The following SNRPD1 variants were observed in gnomAD, a reference collection of about 807,000 sequenced individuals.
The protein encoded by SNRPD1 is small nuclear ribonucleoprotein D1 polypeptide, also known as small nuclear ribonucleoprotein Sm D1.
A neutral mutation model predicts 14.4 loss-of-function variants in SNRPD1; 1 was observed. The observed-to-expected ratio is 0.07, with a 90% confidence interval of 0.02 to 0.33. SNRPD1 has a LOEUF of 0.33. Among genes scored for constraint, SNRPD1 ranks in the 10% least tolerant of loss-of-function variants. The pLI is 1.00. For synonymous variants in SNRPD1, 42 were observed against 50.3 expected (o/e 0.83, Z 0.70); for missense variants, 52 against 146.4 (o/e 0.36, Z 3.33).
chr18:21,626,662 C>CTA (rs896988018), intron 3 of SNRPD1, among the ~76,000 whole-genome samples: 3 of 151,586 alleles, frequency 2.0e-5, no homozygotes, highest in African/African-American at 7.3e-5. Flanking sequence ...TGGCGGTCAC[C>CTA]TATAATCCCA....
intron 3 of SNRPD1, among the ~76,000 whole-genome samples, chr18:21,628,053 C>A (rs913772666): frequency 1.3e-5 from 2 of 152,058 alleles, no homozygotes; most frequent in African/African-American, 4.8e-5. Flanking sequence ...CTATTTATTG[C>A]TTAGAATGGT....
At chr18:21,612,966 G>T (rs899688761) in intron 1 of SNRPD1, among the ~76,000 whole-genome samples, 4 of 152,108 alleles carry the variant, frequency 2.6e-5, no homozygotes, top group Non-Finnish European at 5.9e-5. Flanking sequence ...CCCTTCCAAA[G>T]GGCTGAGATT....
chr18:21,621,570 T>C (rs564425523), intron 1 of SNRPD1, among the ~76,000 whole-genome samples: 1 of 151,860 alleles, frequency 6.6e-6, no homozygotes, highest in African/African-American at 2.4e-5. Context: ...CTCGCTAATT[T>C]ATTTTTATTT....
intron 1 of SNRPD1, among the ~76,000 whole-genome samples, chr18:21,614,968 C>T (rs1375635788): frequency 6.6e-6 from 1 of 152,120 alleles, no homozygotes; most frequent in Non-Finnish European, 1.5e-5. Flanking sequence ...TGTTTTCCTT[C>T]TTTAAGGTAA....
chr18:21,626,363 C>T (rs535042947), intron 3 of SNRPD1, among the ~76,000 whole-genome samples: 2 of 134,692 alleles, frequency 1.5e-5, no homozygotes, highest in South Asian at 4.5e-4. Context: ...CACTGCACTC[C>T]AGCCTGGGTG....
chr18:21,623,237 G>A (rs1416357868), intron 2 of SNRPD1, among the ~76,000 whole-genome samples: 2 of 152,204 alleles, frequency 1.3e-5, no homozygotes, highest in Non-Finnish European at 2.9e-5. Context: ...GGTTATGGGT[G>A]CGTGCCACCA....
At chr18:21,625,200 C>T (rs1313486891) in intron 3 of SNRPD1, among the ~76,000 whole-genome samples, 1 of 151,690 alleles carries the variant, frequency 6.6e-6, no homozygotes, top group Non-Finnish European at 1.5e-5. Context: ...GAAAGCCCCC[C>T]GCCTCATATC....
At chr18:21,628,593 A>T (rs778906234) in intron 3 of SNRPD1, among the ~76,000 whole-genome samples, 1 of 152,192 alleles carries the variant, frequency 6.6e-6, no homozygotes, top group Non-Finnish European at 1.5e-5. Flanking sequence ...CTGAAGAGTT[A>T]ATAAGATTGT....
intron 1 of SNRPD1, among the ~76,000 whole-genome samples, chr18:21,613,804 G>A (rs1392340710): frequency 1.6e-5 from 2 of 122,348 alleles, no homozygotes; most frequent in East Asian, 2.5e-4. Context: ...GCAGTGAGCC[G>A]ATATCGTGGC....
intron 3 of SNRPD1, among the ~76,000 whole-genome samples, chr18:21,628,483 A>G (rs1013925185): frequency 6.6e-6 from 1 of 152,240 alleles, no homozygotes; most frequent in Non-Finnish European, 1.5e-5. Context: ...TGAATTCCCT[A>G]TCACCATGAT....
chr18:21,619,903 G>T (rs1342878581), intron 1 of SNRPD1, among the ~76,000 whole-genome samples: 2 of 152,160 alleles, frequency 1.3e-5, no homozygotes, highest in African/African-American at 4.8e-5. Flanking sequence ...TCCCACCTCA[G>T]ACTCCGAGGA....
intron 1 of SNRPD1, among the ~76,000 whole-genome samples, chr18:21,614,225 C>T (rs2038941676): frequency 6.6e-6 from 1 of 151,402 alleles, no homozygotes; most frequent in South Asian, 2.1e-4. Context: ...TGAGATCGCA[C>T]CACTGCACTC....
At chr18:21,619,204 A>G (rs1255578172) in intron 1 of SNRPD1, among the ~76,000 whole-genome samples, 2 of 152,014 alleles carry the variant, frequency 1.3e-5, no homozygotes, top group Non-Finnish European at 2.9e-5. Flanking sequence ...TTTTTTGACA[A>G]AGTCTCACTC....
chr18:21,622,814 G>C lies in SNRPD1; in HGVS notation c.91+13G>C. The C allele has an allele frequency of 7.0e-7, 1 of 1,428,512 alleles. No individual in the cohort carries two copies. Among genetic ancestry groups the C allele is most frequent in the Non-Finnish European group, 9.8e-7 (1 of 1,017,118 alleles). The allele number at this position is 1,428,512 out of a possible 1,614,324, so 88.5% of individuals were successfully genotyped here. A position where few individuals can be genotyped will look rare whatever the true frequency, so the allele number is the denominator to read the frequency against. On this transcript the variant is annotated intron_variant, in intron 2 of 3. Transcript: ENST00000300413. The stretch of plus-strand genomic sequence containing the variant: ...GGAACAATCACAGGTACGGAGGTTG[G>C]ACTGCTTTTATAACATTTTTTTTCT...
At chr18:21,615,223 C>A (rs1246502547) in intron 1 of SNRPD1, among the ~76,000 whole-genome samples, 1 of 152,154 alleles carries the variant, frequency 6.6e-6, no homozygotes, top group East Asian at 1.9e-4. Flanking sequence ...CGTAAAACTT[C>A]TTTTAGTTAC....
chr18:21,613,895 G>A (rs1167598928), intron 1 of SNRPD1, among the ~76,000 whole-genome samples: 1 of 149,982 alleles, frequency 6.7e-6, no homozygotes, highest in Non-Finnish European at 1.5e-5. Context: ...TCAGGGAGGA[G>A]TTGGTACAAA....
At chr18:21,613,954 T>C (rs1701562) in intron 1 of SNRPD1, among the ~76,000 whole-genome samples, 1 of 151,748 alleles carries the variant, frequency 6.6e-6, no homozygotes, top group Non-Finnish European at 1.5e-5. Flanking sequence ...ACTATAACTT[T>C]GGATAGGAAG....
Position 21,612,321 on chromosome 18 carries a change from TCCGGAG to T in SNRPD1, c.-106_-101del. ...TGCAGTGCTCCGCGCGCTCTTGACG[TCCGGAG>T]CCCCTGGAGTAGGCGCTTCCGGCCA... On this transcript the variant is annotated 5_prime_UTR_variant, in exon 1 of 4. Transcript: ENST00000300413. The T allele has an allele frequency of 1.3e-6, 1 of 751,248 alleles. No individual in the cohort carries two copies. The highest frequency in any genetic ancestry group is 2.8e-5 in the Admixed American group (1 of 35,154). 46.5% of individuals were successfully genotyped at this position (751,248 alleles called of 1,614,324 possible).
rs1568127221 is a variant in SNRPD1 at position 21,630,519 on chromosome 18, T to G, written c.*1381T>G. ...GCTCACGCCTGTAATCCCAGCACTT[T>G]GGGAGGCCGAGGCAGGTGGATCACG... On this transcript the variant is annotated 3_prime_UTR_variant, in exon 4 of 4. Coordinates refer to ENST00000300413, the MANE Select transcript of SNRPD1 (RefSeq NM_006938.4). The G allele has an allele frequency of 6.6e-6, 1 of 151,964 alleles. No homozygotes were observed. The highest frequency in any genetic ancestry group is 1.5e-5 in the Non-Finnish European group (1 of 68,010). The allele number at this position is 151,964 out of a possible 1,614,324, so 9.4% of individuals were successfully genotyped here.
Sources: allele counts gnomAD v4.1 joint callset (sites outside exome capture counted in the v4.1 genomes callset), GRCh38; gene constraint gnomAD v4.1.1; transcripts MANE v1.5; gene names NCBI Gene and HGNC (gene_info 2026-07-23, HGNC 2026-07-21).